Variants in NCOR2 observed in about 807,000 individuals in gnomAD.
The protein encoded by NCOR2 is nuclear receptor corepressor 2, also known as CTG repeat protein 26.
NCOR2 carries 81 observed loss-of-function variants against 262.9 expected under a neutral mutation model. The ratio of observed to expected loss-of-function variants is 0.31; its 90% CI spans 0.26 to 0.37. NCOR2 has a LOEUF of 0.37. Ranked by LOEUF, NCOR2 falls within the 10% of genes least tolerant of loss-of-function variation. NCOR2 has a pLI of 1.00. For synonymous variants in NCOR2, 1,659 were observed against 1,559.3 expected (o/e 1.06, Z -1.51); for missense variants, 3,385 against 3,621.4 (o/e 0.93, Z 1.68).
At chr12:124,388,205 C>T (rs904153310) in intron 16 of NCOR2, among the ~76,000 whole-genome samples, 12 of 152,192 alleles carry the variant, frequency 7.9e-5, no homozygotes, top group African/African-American at 2.9e-4. Context: ...TTCTGCTCTC[C>T]GGCCTCAGTT....
At chr12:124,500,328 C>T (rs1255185622) in intron 1 of NCOR2, among the ~76,000 whole-genome samples, 1 of 152,158 alleles carries the variant, frequency 6.6e-6, no homozygotes, top group African/African-American at 2.4e-5. Flanking sequence ...GGGGTCTGTC[C>T]CTGGGCCATG....
At position 124,378,229 on chromosome 12, in the gene NCOR2, G is replaced by C. The variant is rs2136069920; in HGVS notation, c.2167+8C>G. 1 of 1,612,944 alleles carries C rather than the reference G, an allele frequency of 6.2e-7. No homozygotes were observed. The highest frequency in any genetic ancestry group is 8.5e-7 in the Non-Finnish European group (1 of 1,179,228). The stretch of plus-strand genomic sequence containing the variant: ...TGCCAGCCACCTCCAAGCCGCGCCA[G>C]CCCTCACCTTCAGCCTCCTCCACCA... On this transcript the variant is annotated splice_region_variant and intron_variant, in intron 18 of 46. Coordinates refer to ENST00000405201, the Ensembl canonical transcript of NCOR2. This position sits in a 1 kb window ranked among gnomAD's most constrained non-coding sequence, Gnocchi z 4.2.
upstream of NCOR2, among the ~76,000 whole-genome samples, chr12:124,497,581 C>A (rs2048442911): frequency 3.9e-5 from 6 of 152,206 alleles, no homozygotes; most frequent in South Asian, 1.2e-3. The surrounding 1 kb of genome is among the most constrained non-coding windows in gnomAD (Gnocchi z 4.2). Flanking sequence ...TATACAGAAA[C>A]CCAGTACTAT....
At chr12:124,407,210 T>C (rs1416617289) in intron 13 of NCOR2, among the ~76,000 whole-genome samples, 2 of 152,200 alleles carry the variant, frequency 1.3e-5, no homozygotes, top group Admixed American at 1.3e-4. Flanking sequence ...CAGAAAGATG[T>C]GGCCCCCAAC....
chr12:124,486,405 A>G, intron 2 of NCOR2, 36 bp downstream of exon 4: 1 of 1,609,086 alleles, frequency 6.2e-7, no homozygotes, highest in Non-Finnish European at 8.5e-7. Flanking sequence ...AGGAGCTCTC[A>G]CGCCCTGGAC....
At chr12:124,358,659 C>G (rs1348805056) in intron 22 of NCOR2, among the ~76,000 whole-genome samples, 4 of 152,200 alleles carry the variant, frequency 2.6e-5, no homozygotes, top group African/African-American at 9.7e-5. Context: ...AGTTCACCAG[C>G]AAATACTTAG....
rs1196386982 is a variant in NCOR2, at chr12:124,508,764, C to G, written c.-117-13396G>C. Among the ~76,000 whole-genome samples the G allele has an allele frequency of 7.2e-5, 11 of 152,280 alleles. No homozygotes were observed. The East Asian group carries it at 2.1e-3, about 29-fold the overall frequency. On this transcript the variant is annotated intron_variant, in intron 1 of 46. Transcript: ENST00000404621. ...AAAAAACACTGACTATAAAACCAAC[C>G]CAATAAATCAGTCTGACAGCCAAAT...
Position 124,553,598 on chromosome 12 carries a change from G to T in NCOR2, c.-165+13710C>A, listed in dbSNP as rs192399245. Among the ~76,000 whole-genome samples the T allele has an allele frequency of 8.5e-3, 1,298 of 152,334 alleles. 11 individuals are homozygous for T. Among genetic ancestry groups the T allele is most frequent in the Non-Finnish European group, 0.014 (984 of 68,038 alleles). On this transcript the variant is annotated intron_variant, in intron 1 of 32. Transcript: ENST00000458234. ...CACGTCCCCAGCAGTGCAGAGTCCA[G>T]CATCTGATGAAAACGTGATCAGACA...
chr12:124,341,421 G>A (rs895803614), intron 34 of NCOR2, among the ~76,000 whole-genome samples: 6 of 152,114 alleles, frequency 3.9e-5, no homozygotes, highest in Non-Finnish European at 7.4e-5. Flanking sequence ...TGTATTTTTA[G>A]GAGAGACGGG....
intron 1 of NCOR2, among the ~76,000 whole-genome samples, chr12:124,526,499 G>A (rs1175052117): frequency 1.3e-5 from 2 of 152,190 alleles, no homozygotes; most frequent in Non-Finnish European, 2.9e-5. Context: ...ACCATGGAGG[G>A]AACAGGTGTG....
chr12:124,361,035 C>T (rs960596307), intron 22 of NCOR2, among the ~76,000 whole-genome samples: 23 of 151,614 alleles, frequency 1.5e-4, no homozygotes, highest in African/African-American at 5.3e-4. Context: ...ACCCAGCAGC[C>T]TCGGTGGACC....
Position 124,510,480 on chromosome 12 carries a change from G to A in NCOR2, c.-117-15112C>T, listed in dbSNP as rs79597290. Among the ~76,000 whole-genome samples, 302 of 152,340 alleles carry A rather than the reference G, an allele frequency of 2.0e-3. 1 individual carries two copies. The highest frequency in any genetic ancestry group is 6.8e-3 in the African/African-American group (281 of 41,578). ...TCACAGCGCCCCCGTGAGGGATTCTGTTATCATCCCCATTCTACAGCTGGA... is the reference window on the plus strand; with the variant it reads ...TCACAGCGCCCCCGTGAGGGATTCTATTATCATCCCCATTCTACAGCTGGA... On this transcript the variant is annotated intron_variant, in intron 1 of 46. Transcript: ENST00000404621.
chr12:124,437,903 C>T (rs1447442464), intron 8 of NCOR2, 27 bp downstream of exon 10: 4 of 1,602,776 alleles, frequency 2.5e-6, no homozygotes, highest in South Asian at 2.2e-5. Flanking sequence ...TCAAGGAAAG[C>T]TGATGGGGGC....
At chr12:124,449,988 C>T in intron 6 of NCOR2, 121 bp from the exon 9 acceptor site, 1 of 982,524 alleles carries the variant, frequency 1.0e-6, no homozygotes, top group South Asian at 1.6e-5. Context: ...GGCTCAGCCG[C>T]AGGCAGGCAT....
exon 38 of NCOR2, chr12:124,336,918 G>C: frequency 6.3e-7 from 1 of 1,591,908 alleles, no homozygotes; most frequent in Non-Finnish European, 8.6e-7. Flanking sequence ...CCAGAGACAG[G>C]AGGCACTAGG....
At chr12:124,425,904 G>A (rs531627451) in intron 11 of NCOR2, among the ~76,000 whole-genome samples, 1 of 152,282 alleles carries the variant, frequency 6.6e-6, no homozygotes, top group East Asian at 1.9e-4. Context: ...GCTGTCATAA[G>A]GGACAGGAGG....
At chr12:124,375,901 G>A (rs2039955897) in intron 18 of NCOR2, among the ~76,000 whole-genome samples, 1 of 152,184 alleles carries the variant, frequency 6.6e-6, no homozygotes, top group Non-Finnish European at 1.5e-5. Flanking sequence ...CTGCAGTGCC[G>A]CTGGGGCTGG....
At chr12:124,339,901 A>ACCCCCCCC in intron 37 of NCOR2, 105 bp downstream of exon 39, 4 of 186,868 alleles carry the variant, frequency 2.1e-5, no homozygotes, top group South Asian at 7.1e-5. Flanking sequence ...CTGCCCACCC[A>ACCCCCCCC]CCCACCTCCC....
intron 1 of NCOR2, among the ~76,000 whole-genome samples, chr12:124,511,298 G>A (rs1378473784): frequency 2.6e-5 from 4 of 152,210 alleles, no homozygotes; most frequent in Non-Finnish European, 4.4e-5. Flanking sequence ...AAGTGGCCGA[G>A]AACTCTGATC....
Sources: gnomAD v4.1 joint callset for allele counts (sites outside exome capture counted in the v4.1 genomes callset) on GRCh38, gnomAD v4.1.1 for gene constraint, Gnocchi (gnomAD v3.1) non-coding constraint, MANE v1.5 for transcripts, NCBI Gene and HGNC (gene_info 2026-07-23, HGNC 2026-07-21) for gene names.